Variants in UBE2E1 observed in about 807,000 individuals in gnomAD.
UBE2E1 encodes ubiquitin-conjugating enzyme E2 E1.
A neutral mutation model predicts 21.4 loss-of-function variants in UBE2E1; 6 were observed. That is an observed-to-expected ratio of 0.28 (90% CI 0.15 to 0.55). The LOEUF is 0.55. Among genes scored for constraint, UBE2E1 ranks in the 20% least tolerant of loss-of-function variants. The probability of loss-of-function intolerance (pLI) is 0.93; values close to 1 mark genes in which losing one functional copy is unlikely to be tolerated. For synonymous variants in UBE2E1, 87 were observed against 82.7 expected (o/e 1.05, Z -0.28); for missense variants, 142 against 236.5 (o/e 0.60, Z 2.62).
At chr3:23,860,411 C>T (rs1700528898) in intron 3 of UBE2E1, among the ~76,000 whole-genome samples, 1 of 152,160 alleles carries the variant, frequency 6.6e-6, no homozygotes, top group African/African-American at 2.4e-5. Context: ...TGGAAGCGCA[C>T]ATTAACAAAA....
chr3:23,817,877 G>T (rs1375871547), intron 3 of UBE2E1, among the ~76,000 whole-genome samples: 1 of 152,172 alleles, frequency 6.6e-6, no homozygotes. Context: ...TTATTATGTA[G>T]ATGCTGGAGA....
Position 23,810,407 on chromosome 3 carries a change from G to C in UBE2E1, c.153-1053G>C. 1.3e-6 allele frequency: 2 copies of C among 1,533,308 alleles called. No homozygotes were observed. Among genetic ancestry groups the C allele is most frequent in the African/African-American group, 1.4e-5 (1 of 73,054 alleles). The allele number at this position is 1,533,308 out of a possible 1,614,324, so 95.0% of individuals were successfully genotyped here. A position where few individuals can be genotyped will look rare whatever the true frequency, so the allele number is the denominator to read the frequency against. ...GGGGGATGGGGCCCTTTGTGAAGTC[G>C]AGGGTTGGTGCGGAGGGAGAAAACT... On this transcript the variant is annotated intron_variant, in intron 2 of 5. Coordinates refer to ENST00000306627, the MANE Select transcript of UBE2E1 (RefSeq NM_003341.5). This position sits in a 1 kb window ranked among gnomAD's most constrained non-coding sequence, Gnocchi z 5.8.
At position 23,887,655 on chromosome 3, in the gene UBE2E1, C is replaced by T; in HGVS notation, c.292C>T (p.Leu98Phe). 6.2e-7 allele frequency: 1 copy of T among 1,613,938 alleles called. No individual in the cohort carries two copies. Among genetic ancestry groups the T allele is most frequent in the Non-Finnish European group, 8.5e-7 (1 of 1,179,976 alleles). ...GSVYEGGVFF[L>F]DITFTPEYPF... ...CGTGTATGAGGGTGGTGTATTCTTT[C>T]TCGATATCACTTTTACACCAGAATA... The change falls in exon 4 of 6, where the codon CTC becomes TTC. Residue 98 changes from leucine to phenylalanine, a missense_variant. This residue lies in a region of UBE2E1 where 87 missense variants were observed against 184.9 expected (regional missense o/e 0.47). Coordinates refer to ENST00000306627, the MANE Select transcript of UBE2E1 (RefSeq NM_003341.5). The surrounding 1 kb of genome is among the most constrained non-coding windows in gnomAD (Gnocchi z 4.4).
intron 3 of UBE2E1, among the ~76,000 whole-genome samples, chr3:23,854,910 T>C (rs1349707075): frequency 1.3e-5 from 2 of 152,240 alleles, no homozygotes; most frequent in Non-Finnish European, 2.9e-5. Flanking sequence ...GTTGGTATTT[T>C]ATGGGAGAAT....
At chr3:23,868,466 AC>A (rs1700703777) in intron 3 of UBE2E1, among the ~76,000 whole-genome samples, 1 of 151,436 alleles carries the variant, frequency 6.6e-6, no homozygotes, top group African/African-American at 2.4e-5. Flanking sequence ...CCACTAACAC[AC>A]CCGGCTAATT....
chr3:23,878,064 A>C (rs1484338538), intron 3 of UBE2E1, among the ~76,000 whole-genome samples: 1 of 152,066 alleles, frequency 6.6e-6, no homozygotes, highest in Non-Finnish European at 1.5e-5. Context: ...TTATTTCACT[A>C]ACTTGAGGTC....
chr3:23,884,792 T>C (rs1436972126), intron 3 of UBE2E1, among the ~76,000 whole-genome samples: 1 of 152,208 alleles, frequency 6.6e-6, no homozygotes, highest in African/African-American at 2.4e-5. Flanking sequence ...GCCTGGCTTC[T>C]GTGAATGAAC....
chr3:23,847,611 C>T lies in UBE2E1; in HGVS notation c.203+36101C>T, dbSNP rs536700132. 6.0e-5 allele frequency among the ~76,000 whole-genome samples: 9 copies of T among 150,454 alleles called. No individual in the cohort carries two copies. The Admixed American group carries it at 6.0e-4, about 10-fold the overall frequency. ...CCAGGTTCATGCCATTCTCTTGCCT[C>T]AGCCTCCCGAGTAGCTGGGACTACA... On this transcript the variant is annotated intron_variant, in intron 3 of 5. Coordinates refer to ENST00000306627, the MANE Select transcript of UBE2E1 (RefSeq NM_003341.5).
intron 3 of UBE2E1, among the ~76,000 whole-genome samples, chr3:23,859,813 C>T (rs532729233): frequency 6.6e-6 from 1 of 152,258 alleles, no homozygotes; most frequent in East Asian, 1.9e-4. Flanking sequence ...CCTGCCCATC[C>T]AGCAGGCAAA....
chr3:23,852,193 ACCTAG>A (rs1700340077), intron 3 of UBE2E1, among the ~76,000 whole-genome samples: 1 of 152,180 alleles, frequency 6.6e-6, no homozygotes, highest in Admixed American at 6.5e-5. Context: ...TTTATAAATT[ACCTAG>A]CCTTAGATAC....
intron 3 of UBE2E1, among the ~76,000 whole-genome samples, chr3:23,837,509 AT>A (rs1699996811): frequency 6.6e-6 from 1 of 152,176 alleles, no homozygotes. Context: ...GAGGGACTGA[AT>A]TTTGGGACTG....
At chr3:23,851,146 A>G (rs1575015690) in intron 3 of UBE2E1, among the ~76,000 whole-genome samples, 1 of 152,310 alleles carries the variant, frequency 6.6e-6, no homozygotes, top group East Asian at 1.9e-4. Context: ...GATAAAAAAG[A>G]CTATTCTGTC....
intron 3 of UBE2E1, among the ~76,000 whole-genome samples, chr3:23,839,260 G>C (rs913458923): frequency 6.6e-6 from 1 of 151,854 alleles, no homozygotes; most frequent in Admixed American, 6.6e-5. Context: ...TCAGGAGATC[G>C]AGACCATCCT....
At chr3:23,878,981 C>CT (rs1420094599) in intron 3 of UBE2E1, 1 of 457,092 alleles carries the variant, frequency 2.2e-6, no homozygotes, top group Non-Finnish European at 4.3e-6. Flanking sequence ...TGGACTGCTG[C>CT]TTTAGTCCAT....
At position 23,853,469 on chromosome 3, in the gene UBE2E1, T is replaced by A. The variant is rs1246899848; in HGVS notation, c.204-34098T>A. On this transcript the variant is annotated intron_variant, in intron 3 of 5. Transcript: ENST00000306627. This position sits in a 1 kb window ranked among gnomAD's most constrained non-coding sequence, Gnocchi z 4.1. ...GATGAAGCCCAGTTTGTCAGTTTTT[T>A]CTTGTGTGATTCATGCTTTTGTCTC... Among the ~76,000 whole-genome samples the A allele has an allele frequency of 1.3e-5, 2 of 152,180 alleles. No homozygotes were observed. The highest frequency in any genetic ancestry group is 4.8e-5 in the African/African-American group (2 of 41,440).
intron 3 of UBE2E1, among the ~76,000 whole-genome samples, chr3:23,820,120 G>A (rs931375660): frequency 8.5e-5 from 13 of 152,142 alleles, no homozygotes; most frequent in African/African-American, 2.7e-4. Flanking sequence ...GCTGGCACCC[G>A]CCTGAGACAT....
chr3:23,820,442 G>A (rs562923248), intron 3 of UBE2E1, among the ~76,000 whole-genome samples: 21 of 152,292 alleles, frequency 1.4e-4, no homozygotes, highest in African/African-American at 4.8e-4. Flanking sequence ...CCTTTGGAAG[G>A]CCAAGTTGAT....
chr3:23,813,336 T>G (rs1232609210), intron 3 of UBE2E1, among the ~76,000 whole-genome samples: 3 of 152,218 alleles, frequency 2.0e-5, no homozygotes, highest in Admixed American at 6.5e-5. Context: ...TGAAGATATT[T>G]TCCAGTGGGG....
At chr3:23,851,681 A>C (rs1441739442) in intron 3 of UBE2E1, among the ~76,000 whole-genome samples, 1 of 152,174 alleles carries the variant, frequency 6.6e-6, no homozygotes, top group Non-Finnish European at 1.5e-5. Flanking sequence ...GCACATCTGT[A>C]GTGCCAGCTA....
Sources: allele counts gnomAD v4.1 joint callset (sites outside exome capture counted in the v4.1 genomes callset), GRCh38; gene constraint gnomAD v4.1.1; regional missense constraint gnomAD v4.1.1; non-coding constraint Gnocchi (gnomAD v3.1); transcripts MANE v1.5; gene names NCBI Gene and HGNC (gene_info 2026-07-23, HGNC 2026-07-21).